Variants in ESR1 observed in about 807,000 individuals in gnomAD.
ESR1 encodes the protein estrogen receptor 1, also known as estrogen receptor.
In ESR1, 12 loss-of-function variants were observed where a neutral mutation model predicts 52.7. The ratio of observed to expected loss-of-function variants is 0.23; its 90% confidence interval spans 0.15 to 0.37. ESR1 has a LOEUF of 0.37. Among genes scored for constraint, ESR1 ranks in the 10% least tolerant of loss-of-function variants. The pLI is 1.00. For synonymous variants in ESR1, 305 were observed against 316.8 expected (o/e 0.96, Z 0.39); for missense variants, 584 against 779.7 (o/e 0.75, Z 2.99).
intron 2 of ESR1, among the ~76,000 whole-genome samples, chr6:151,879,454 G>A (rs1792410407): frequency 6.6e-6 from 1 of 152,108 alleles, no homozygotes; most frequent in South Asian, 2.1e-4. Context: ...CTGGGAACAA[G>A]GGATAAGATA....
At chr6:151,790,461 C>T (rs1188299735) in intron 2 of ESR1, among the ~76,000 whole-genome samples, 1 of 152,186 alleles carries the variant, frequency 6.6e-6, no homozygotes, top group Non-Finnish European at 1.5e-5. Flanking sequence ...CTGTCTCTTC[C>T]ACCTGTTGTG....
At chr6:152,075,001 G>A (rs1001275098) in intron 6 of ESR1, among the ~76,000 whole-genome samples, 1 of 152,138 alleles carries the variant, frequency 6.6e-6, no homozygotes, top group Non-Finnish European at 1.5e-5. Context: ...CATTTAGCAG[G>A]TATGTCTTTT....
At chr6:151,921,589 C>T (rs748164573) in intron 3 of ESR1, among the ~76,000 whole-genome samples, 7 of 152,164 alleles carry the variant, frequency 4.6e-5, no homozygotes, top group Non-Finnish European at 1.0e-4. Context: ...TTTGCAACCT[C>T]GCCAGCATCT....
At chr6:151,702,382 T>C (rs1779863223) in intron 2 of ESR1, among the ~76,000 whole-genome samples, 1 of 152,148 alleles carries the variant, frequency 6.6e-6, no homozygotes, top group Non-Finnish European at 1.5e-5. Context: ...CTTTTTTCCC[T>C]CAGAGCTTTA....
At chr6:152,080,010 T>A (rs993687002) in intron 6 of ESR1, among the ~76,000 whole-genome samples, 2 of 152,054 alleles carry the variant, frequency 1.3e-5, no homozygotes, top group African/African-American at 4.8e-5. Flanking sequence ...AACAAATATA[T>A]GTTTCATTGG....
At chr6:152,108,794 T>C (rs1420923284) in intron 6 of ESR1, among the ~76,000 whole-genome samples, 1 of 152,214 alleles carries the variant, frequency 6.6e-6, no homozygotes, top group Non-Finnish European at 1.5e-5. Context: ...TTTGGGAACA[T>C]TTAAACTCAG....
At chr6:151,888,646 T>G (rs1177313088) in intron 3 of ESR1, among the ~76,000 whole-genome samples, 1 of 152,170 alleles carries the variant, frequency 6.6e-6, no homozygotes, top group Admixed American at 6.5e-5. Context: ...TCTTTTTCAA[T>G]TTGCATGCCT....
upstream of ESR1, chr6:151,805,011 T>C (rs1777644981): frequency 6.6e-6 from 1 of 152,254 alleles, no homozygotes; most frequent in African/African-American, 2.4e-5. Flanking sequence ...TATCTACCTT[T>C]ATCTTATGTT....
At chr6:151,714,518 T>C (rs1428033912) in intron 2 of ESR1, among the ~76,000 whole-genome samples, 1 of 152,234 alleles carries the variant, frequency 6.6e-6, no homozygotes, top group Admixed American at 6.5e-5. Flanking sequence ...ATCTGGGTGC[T>C]GCTGTATTGG....
At chr6:152,077,440 C>T (rs2048834030) in intron 6 of ESR1, among the ~76,000 whole-genome samples, 1 of 152,222 alleles carries the variant, frequency 6.6e-6, no homozygotes, top group Non-Finnish European at 1.5e-5. Flanking sequence ...AACCCCCACA[C>T]AGAGTCCCCA....
intron 2 of ESR1, among the ~76,000 whole-genome samples, chr6:151,723,032 T>C (rs912408756): frequency 2.6e-5 from 4 of 152,210 alleles, no homozygotes; most frequent in African/African-American, 9.7e-5. Flanking sequence ...ATGGAATTAT[T>C]TAATTAGAGA....
At position 151,944,332 on chromosome 6, in the gene ESR1, C is replaced by G. The variant is rs1419894030; in HGVS notation, c.920C>G (p.Ala307Gly). 6.2e-7 allele frequency: 1 copy of G among 1,614,112 alleles called. No individual in the cohort carries two copies. Among genetic ancestry groups the G allele is most frequent in the Admixed American group, 1.7e-5 (1 of 60,020 alleles). ...AAACGCTCTAAGAAGAACAGCCTGGCCTTGTCCCTGACGGCCGACCAGATG... is the reference window on the plus strand; with the variant it reads ...AAACGCTCTAAGAAGAACAGCCTGGGCTTGTCCCTGACGGCCGACCAGATG... ...MIKRSKKNSLALSLTADQMVS... is the reference protein window; with the variant it reads ...MIKRSKKNSLGLSLTADQMVS... The change falls in exon 4 of 8, where the codon GCC (alanine) becomes GGC (glycine). Residue 307 changes from alanine to glycine, a missense_variant. By Grantham distance (60) the Ala-to-Gly change is moderately conservative. Around this residue, in one of 6 missense-constraint regions of ESR1, gnomAD observed 88 missense variants for 88.3 expected, o/e 1.00. Coordinates refer to ENST00000206249, the MANE Select transcript of ESR1 (RefSeq NM_000125.4).
chr6:151,746,344 A>G lies in ESR1; in HGVS notation c.-71+44339A>G, dbSNP rs114929587. Among the ~76,000 whole-genome samples the G allele has an allele frequency of 9.9e-3, 1,514 of 152,338 alleles. 25 individuals carry two copies. The highest frequency in any genetic ancestry group is 0.033 in the African/African-American group (1,385 of 41,570). Reference sequence around the variant, plus strand: ...AAATTTGTGGGGTTTGTGTCATTTTAGACATAGCTCACGAAGAAGATGGTA... The same window carrying G: ...AAATTTGTGGGGTTTGTGTCATTTTGGACATAGCTCACGAAGAAGATGGTA... On this transcript the variant is annotated intron_variant, in intron 2 of 2. Transcript: ENST00000404742.
intron 1 of ESR1, among the ~76,000 whole-genome samples, chr6:151,670,361 C>T (rs903517727): frequency 6.6e-6 from 1 of 152,178 alleles, no homozygotes; most frequent in Non-Finnish European, 1.5e-5. Context: ...CATTGATCTT[C>T]ACTTGGTGAT....
intron 5 of ESR1, 127 bp from the exon 6 acceptor site, chr6:152,060,864 G>A (rs2047487972): frequency 1.4e-6 from 1 of 739,084 alleles, no homozygotes; most frequent in Admixed American, 2.6e-5. Flanking sequence ...GACAATGGCT[G>A]ATAGTTTTTT....
chr6:151,761,437 T>G (rs1230093547), intron 2 of ESR1, among the ~76,000 whole-genome samples: 1 of 152,146 alleles, frequency 6.6e-6, no homozygotes, highest in East Asian at 1.9e-4. Context: ...CCACTTCTCT[T>G]TCTTAGAATA....
At chr6:152,043,967 G>A (rs893857976) in intron 5 of ESR1, among the ~76,000 whole-genome samples, 1 of 149,814 alleles carries the variant, frequency 6.7e-6, no homozygotes, top group Admixed American at 6.6e-5. Context: ...GATAAGACTC[G>A]AACCCAGGGC....
At chr6:152,041,583 C>T (rs2045802722) in intron 5 of ESR1, among the ~76,000 whole-genome samples, 1 of 152,222 alleles carries the variant, frequency 6.6e-6, no homozygotes, top group Admixed American at 6.5e-5. Context: ...TTTTATTTCC[C>T]AACCTCTGGC....
intron 5 of ESR1, among the ~76,000 whole-genome samples, chr6:152,045,120 TG>T (rs1286591202): frequency 4.6e-5 from 7 of 152,158 alleles, no homozygotes; most frequent in African/African-American, 1.7e-4. Context: ...GTCTTAATCT[TG>T]GAAGAAGTGG....
Sources: gnomAD v4.1 joint callset for allele counts (sites outside exome capture counted in the v4.1 genomes callset) on GRCh38, gnomAD v4.1.1 for gene constraint, gnomAD v4.1.1 regional missense constraint, MANE v1.5 for transcripts, NCBI Gene and HGNC (gene_info 2026-07-23, HGNC 2026-07-21) for gene names.